The following BRIP1 variants were observed in gnomAD, a reference collection of about 807,000 sequenced individuals.
BRIP1 encodes the protein Fanconi anemia group J protein.
In BRIP1, 88 loss-of-function variants were observed where a neutral mutation model predicts 119.7. The ratio of observed to expected loss-of-function variants is 0.74; its 90% CI spans 0.62 to 0.88. The LOEUF (loss-of-function observed/expected upper bound fraction) is 0.88. Ranked by LOEUF, BRIP1 falls within the 40% of genes least tolerant of loss-of-function variation. The probability of loss-of-function intolerance (pLI) is 0.00; values close to 1 mark genes in which losing one functional copy is unlikely to be tolerated. For missense variants in BRIP1, 1,259 were observed against 1,455.4 expected (o/e 0.87, Z 2.20); for synonymous variants, 443 against 496.5 (o/e 0.89, Z 1.43).
chr17:61,826,317 T>C (rs2078406671), intron 6 of BRIP1, among the ~76,000 whole-genome samples: 1 of 152,128 alleles, frequency 6.6e-6, no homozygotes, highest in East Asian at 1.9e-4. Context: ...GGCAATACCA[T>C]TCTGGACATA....
chr17:61,784,387 AT>A lies in BRIP1; in HGVS notation c.1510del (p.Ile504SerfsTer22), dbSNP rs775735278. 6.2e-7 allele frequency: 1 copy of A among 1,613,414 alleles called. No individual in the cohort carries two copies. The highest frequency in any genetic ancestry group is 8.5e-7 in the Non-Finnish European group (1 of 1,179,552). On this transcript the variant is annotated frameshift_variant, in exon 11 of 20. Coordinates refer to ENST00000259008, the MANE Select transcript of BRIP1 (RefSeq NM_032043.3). LOFTEE classifies it high-confidence loss of function. ...FSAVLQKEEK[I>X]SPIYGKEEAR... ...CTCCTCTTTACCATAAATTGGTGAG[AT>A]TTTTTCCTCTTTTTGAAGAACAGCA... is the stretch of plus-strand genomic sequence containing the variant.
rs765544945 is a variant in BRIP1 at position 61,693,535 on chromosome 17, C to T, written c.2493-23G>A. ...CATCTAGAAAAAATAGGGAAAAAGT[C>T]AAATAATTATAACATCGGAAATAAA... is the stretch of plus-strand genomic sequence containing the variant. On this transcript the variant is annotated intron_variant, in intron 17 of 19. Transcript: ENST00000259008. The surrounding 1 kb of genome is among the most constrained non-coding windows in gnomAD (Gnocchi z 4.2). The T allele has an allele frequency of 2.2e-5, 34 of 1,567,720 alleles. No individual in the cohort carries two copies. In the South Asian group the frequency reaches 3.8e-4, roughly 17 times the overall value.
rs1464496622 is a variant in BRIP1, at chr17:61,757,608, AATG to A, written c.2098-13020_2098-13018del. Reference sequence around the variant, plus strand: ...TTGATACATTCTGATAAAAATATACAATGATATTTACAATGCAAAAAACTTCAA... The same window carrying A: ...TTGATACATTCTGATAAAAATATACAATATTTACAATGCAAAAAACTTCAA... On this transcript the variant is annotated intron_variant, in intron 14 of 19. Transcript: ENST00000259008. This position sits in a 1 kb window ranked among gnomAD's most constrained non-coding sequence, Gnocchi z 4.3. Among the ~76,000 whole-genome samples, 1 of 152,228 alleles carries A rather than the reference AATG, an allele frequency of 6.6e-6. No individual in the cohort carries two copies. The highest frequency in any genetic ancestry group is 2.4e-5 in the African/African-American group (1 of 41,462).
At chr17:61,723,834 G>A (rs895327168) in intron 16 of BRIP1, among the ~76,000 whole-genome samples, 31 of 152,136 alleles carry the variant, frequency 2.0e-4, no homozygotes, top group Non-Finnish European at 2.9e-4. Context: ...ATTAACAGTT[G>A]CAAACTGAAG....
In BRIP1 at chr17:61,778,071, T is replaced by C. The variant is rs538457045; in HGVS notation, c.1936-1509A>G. ...CCAGGAAATGGAGTGGAAGACCAAA[T>C]ATATATATTATAAATCACAGGCATA... is the stretch of plus-strand genomic sequence containing the variant. On this transcript the variant is annotated intron_variant, in intron 13 of 19. Coordinates refer to ENST00000259008, the MANE Select transcript of BRIP1 (RefSeq NM_032043.3). This position sits in a 1 kb window ranked among gnomAD's most constrained non-coding sequence, Gnocchi z 4.4. Among the ~76,000 whole-genome samples the C allele has an allele frequency of 6.6e-6, 1 of 152,128 alleles. No homozygotes were observed. The highest frequency in any genetic ancestry group is 2.4e-5 in the African/African-American group (1 of 41,434).
In BRIP1 at chr17:61,736,288, A is replaced by T. The variant is rs2076917581; in HGVS notation, c.2379+6725T>A. On this transcript the variant is annotated intron_variant, in intron 16 of 19. Transcript: ENST00000259008. This position sits in a 1 kb window ranked among gnomAD's most constrained non-coding sequence, Gnocchi z 4.4. ...GGCTGCAGTGAGCTATGATTGTGCC[A>T]CTGCACTCCAACCTGGGCGACAGAA... 1.3e-5 allele frequency among the ~76,000 whole-genome samples: 2 copies of T among 152,160 alleles called. No individual in the cohort carries two copies. Among genetic ancestry groups the T allele is most frequent in the South Asian group, 4.1e-4 (2 of 4,830 alleles).
intron 6 of BRIP1, among the ~76,000 whole-genome samples, chr17:61,813,548 T>C (rs2078194963): frequency 6.6e-6 from 1 of 152,124 alleles, no homozygotes; most frequent in African/African-American, 2.4e-5. Context: ...ATCAAAAAGA[T>C]ACTTCAAAAT....
rs2076816538 is a variant in BRIP1, at chr17:61,729,569, G to A, written c.2379+13444C>T. The stretch of plus-strand genomic sequence containing the variant: ...GCTAAAGAAGTGAAAGTCACTGCCT[G>A]TCAGAAGCAGGGGCTAGAAGTGGGG... On this transcript the variant is annotated intron_variant, in intron 16 of 19. Transcript: ENST00000259008. This position sits in a 1 kb window ranked among gnomAD's most constrained non-coding sequence, Gnocchi z 5.6. Among the ~76,000 whole-genome samples the A allele has an allele frequency of 6.6e-6, 1 of 152,126 alleles. No homozygotes were observed. Among genetic ancestry groups the A allele is most frequent in the African/African-American group, 2.4e-5 (1 of 41,424 alleles).
At chr17:61,714,333 C>A (rs1362408089) in intron 17 of BRIP1, among the ~76,000 whole-genome samples, 1 of 152,182 alleles carries the variant, frequency 6.6e-6, no homozygotes, top group Non-Finnish European at 1.5e-5. Flanking sequence ...CCTGTAAGCT[C>A]TATTCGTGGT....
Position 61,752,030 on chromosome 17 carries a change from G to C in BRIP1, c.2098-7439C>G, listed in dbSNP as rs2077138709. On this transcript the variant is annotated intron_variant, in intron 14 of 19. Transcript: ENST00000259008. The surrounding 1 kb of genome is among the most constrained non-coding windows in gnomAD (Gnocchi z 6.2). ...GTGATCCACCCCTCAGCCTCCCAAAGTGCCGGGATCACAGGCATGACCCAC... is the reference window on the plus strand; with the variant it reads ...GTGATCCACCCCTCAGCCTCCCAAACTGCCGGGATCACAGGCATGACCCAC... Among the ~76,000 whole-genome samples, 1 of 152,096 alleles carries C rather than the reference G, an allele frequency of 6.6e-6. No homozygotes were observed. Among genetic ancestry groups the C allele is most frequent in the Admixed American group, 6.5e-5 (1 of 15,270 alleles).
intron 5 of BRIP1, 80 bp downstream of exon 5, chr17:61,849,049 G>T: frequency 6.8e-7 from 1 of 1,466,512 alleles, no homozygotes; most frequent in Non-Finnish European, 9.5e-7. Flanking sequence ...ATCTCCACAA[G>T]TGCATTAAAA....
rs556061832 is a variant in BRIP1 at position 61,753,130 on chromosome 17, T to C, written c.2098-8539A>G. On this transcript the variant is annotated intron_variant, in intron 14 of 19. Transcript: ENST00000259008. The surrounding 1 kb of genome is among the most constrained non-coding windows in gnomAD (Gnocchi z 4.6). ...GGAATAGAGACTCGAGCTTGTATACTCAGCCTCCTTGCCCTGTGATACTCT... is the reference window on the plus strand; with the variant it reads ...GGAATAGAGACTCGAGCTTGTATACCCAGCCTCCTTGCCCTGTGATACTCT... Among the ~76,000 whole-genome samples, 1 of 152,278 alleles carries C rather than the reference T, an allele frequency of 6.6e-6. No homozygotes were observed. Among genetic ancestry groups the C allele is most frequent in the African/African-American group, 2.4e-5 (1 of 41,570 alleles).
rs1011338598 is a variant in BRIP1, at chr17:61,845,759, T to A, written c.627+1342A>T. Among the ~76,000 whole-genome samples, 8 of 152,208 alleles carry A rather than the reference T, an allele frequency of 5.3e-5. No individual in the cohort carries two copies. The highest frequency in any genetic ancestry group is 1.9e-4 in the African/African-American group (8 of 41,464). ...CCAGGACATCCATCCTGCTTCTGTA[T>A]GCAAAAGTGTTTTATGAGTTCTATT... On this transcript the variant is annotated intron_variant, in intron 6 of 19. Coordinates refer to ENST00000259008, the MANE Select transcript of BRIP1 (RefSeq NM_032043.3). The surrounding 1 kb of genome is among the most constrained non-coding windows in gnomAD (Gnocchi z 4.2).
chr17:61,828,703 C>T lies in BRIP1; in HGVS notation c.627+18398G>A, dbSNP rs1280910898. Among the ~76,000 whole-genome samples, 1 of 152,066 alleles carries T rather than the reference C, an allele frequency of 6.6e-6. No individual in the cohort carries two copies. The highest frequency in any genetic ancestry group is 6.5e-5 in the Admixed American group (1 of 15,270). ...AATGAAGGGCACCAGAAGTGAAAAA[C>T]TGGAGGGTTAAGAAAGAAATTATTT... On this transcript the variant is annotated intron_variant, in intron 6 of 19. Transcript: ENST00000259008. This position sits in a 1 kb window ranked among gnomAD's most constrained non-coding sequence, Gnocchi z 4.1.
chr17:61,799,458 A>G lies in BRIP1; in HGVS notation c.1141-159T>C, dbSNP rs1158949765. 6.6e-6 allele frequency among the ~76,000 whole-genome samples: 1 copy of G among 152,168 alleles called. No homozygotes were observed. Among genetic ancestry groups the G allele is most frequent in the Non-Finnish European group, 1.5e-5 (1 of 68,016 alleles). On this transcript the variant is annotated intron_variant, in intron 8 of 19. Transcript: ENST00000259008. This position sits in a 1 kb window ranked among gnomAD's most constrained non-coding sequence, Gnocchi z 5.1. Reference sequence around the variant, plus strand: ...AGGTCTTAAATAAAACTTCTGAAGCACTATGGCCAACCAAATATCAGCTCT... The same window carrying G: ...AGGTCTTAAATAAAACTTCTGAAGCGCTATGGCCAACCAAATATCAGCTCT...
intron 6 of BRIP1, among the ~76,000 whole-genome samples, chr17:61,826,251 T>C (rs1237543214): frequency 5.3e-5 from 8 of 151,918 alleles, no homozygotes; most frequent in African/African-American, 1.7e-4. Context: ...AAAATTAAGA[T>C]AGATTAAAGA....
chr17:61,817,818 G>T (rs2078259533), intron 6 of BRIP1, among the ~76,000 whole-genome samples: 1 of 152,186 alleles, frequency 6.6e-6, no homozygotes, highest in Non-Finnish European at 1.5e-5. Flanking sequence ...ATTCAAGTTA[G>T]AAAGGAAAAA....
chr17:61,719,216 C>T (rs964565182), intron 16 of BRIP1, among the ~76,000 whole-genome samples: 1 of 147,966 alleles, frequency 6.8e-6, no homozygotes, highest in African/African-American at 2.5e-5. Flanking sequence ...TCTCAATAAC[C>T]AAGATATGGA....
rs1018223249 is a variant in BRIP1 at position 61,810,383 on chromosome 17, T to A, written c.628-1626A>T. On this transcript the variant is annotated intron_variant, in intron 6 of 19. Transcript: ENST00000259008. The surrounding 1 kb of genome is among the most constrained non-coding windows in gnomAD (Gnocchi z 4.7). Reference sequence around the variant, plus strand: ...CAAATTATATCATGATATTTCTGACTGAATTCTTTTTGGCTTTTGCAATGA... The same window carrying A: ...CAAATTATATCATGATATTTCTGACAGAATTCTTTTTGGCTTTTGCAATGA... Among the ~76,000 whole-genome samples, 1 of 152,230 alleles carries A rather than the reference T, an allele frequency of 6.6e-6. No individual in the cohort carries two copies. Among genetic ancestry groups the A allele is most frequent in the African/African-American group, 2.4e-5 (1 of 41,466 alleles).
Sources: gnomAD v4.1 joint callset for allele counts (sites outside exome capture counted in the v4.1 genomes callset) on GRCh38, gnomAD v4.1.1 for gene constraint, Gnocchi (gnomAD v3.1) non-coding constraint, MANE v1.5 for transcripts, NCBI Gene and HGNC (gene_info 2026-07-23, HGNC 2026-07-21) for gene names.